The following NPFFR2 variants were observed in gnomAD, a reference collection of about 807,000 sequenced individuals.
NPFFR2 encodes the protein neuropeptide FF receptor 2.
Under a neutral mutation model 13.1 loss-of-function variants are expected in NPFFR2, and 15 were observed. The observed-to-expected ratio is 1.15, with a 90% CI of 0.77 to 1.76. The LOEUF is 1.76. Ranked by LOEUF, NPFFR2 falls within the 40% of genes most tolerant of loss-of-function variation. The pLI is 0.00. For synonymous variants in NPFFR2, 190 were observed against 175.7 expected, an observed-to-expected ratio of 1.08 and a Z score of -0.65; for missense variants, 572 against 503.5, an observed-to-expected ratio of 1.14 and a Z score of -1.30.
At chr4:72,111,437 C>T (rs912741063) in intron 1 of NPFFR2, among the ~76,000 whole-genome samples, 6 of 151,954 alleles carry the variant, frequency 3.9e-5, no homozygotes, top group Non-Finnish European at 7.4e-5. Flanking sequence ...ACAGTGTTTA[C>T]CACATCAGGT....
chr4:72,122,433 A>G (rs952702834), intron 1 of NPFFR2, among the ~76,000 whole-genome samples: 3 of 152,176 alleles, frequency 2.0e-5, no homozygotes, highest in African/African-American at 7.2e-5. Flanking sequence ...CTCCAGCCCA[A>G]ATAAAGAGAC....
intron 1 of NPFFR2, among the ~76,000 whole-genome samples, chr4:72,066,785 T>C (rs1720084487): frequency 6.6e-6 from 1 of 152,178 alleles, no homozygotes; most frequent in African/African-American, 2.4e-5. Context: ...GGGCAAGGGT[T>C]AGGTCCCCAA....
intron 1 of NPFFR2, among the ~76,000 whole-genome samples, chr4:72,046,149 G>T (rs1027464256): frequency 1.3e-5 from 2 of 152,120 alleles, no homozygotes; most frequent in African/African-American, 4.8e-5. Context: ...ATAGATTTGA[G>T]TCCTGGCCCT....
At chr4:72,044,615 G>A (rs1244457275) in intron 1 of NPFFR2, among the ~76,000 whole-genome samples, 3 of 151,610 alleles carry the variant, frequency 2.0e-5, no homozygotes, top group African/African-American at 7.3e-5. Context: ...ATATCTCATT[G>A]TGGTTTTGAT....
At chr4:72,091,095 T>C (rs1720906623) in intron 1 of NPFFR2, among the ~76,000 whole-genome samples, 1 of 152,154 alleles carries the variant, frequency 6.6e-6, no homozygotes. Context: ...GATGATCATA[T>C]AATTTTTGTT....
chr4:72,101,515 TACTC>T (rs1181387084), intron 1 of NPFFR2, among the ~76,000 whole-genome samples: 3 of 151,688 alleles, frequency 2.0e-5, no homozygotes, highest in African/African-American at 4.8e-5. Flanking sequence ...TACTATAACA[TACTC>T]AATGACTAAT....
intron 1 of NPFFR2, among the ~76,000 whole-genome samples, chr4:72,049,929 T>C (rs886096689): frequency 1.3e-5 from 2 of 151,988 alleles, no homozygotes; most frequent in East Asian, 1.9e-4. Context: ...ACACTTGAAT[T>C]TATGTCAACG....
At chr4:72,146,873 G>A in intron 3 of NPFFR2, 105 bp from the exon 4 acceptor site, 1 of 721,368 alleles carries the variant, frequency 1.4e-6, no homozygotes, top group South Asian at 1.9e-5. Context: ...ATATTTTTGA[G>A]GAGACTGTAG....
At chr4:72,084,014 T>A (rs1449588386) in intron 1 of NPFFR2, among the ~76,000 whole-genome samples, 1 of 152,132 alleles carries the variant, frequency 6.6e-6, no homozygotes, top group East Asian at 1.9e-4. Context: ...TCCATCCTTT[T>A]CTCTATATTT....
chr4:72,107,806 T>C (rs900101846), intron 1 of NPFFR2, among the ~76,000 whole-genome samples: 1 of 152,042 alleles, frequency 6.6e-6, no homozygotes, highest in African/African-American at 2.4e-5. Flanking sequence ...TTTCCTCTCC[T>C]GGACTTGTAT....
intron 1 of NPFFR2, among the ~76,000 whole-genome samples, chr4:72,076,939 A>G (rs1720458694): frequency 6.6e-6 from 1 of 152,184 alleles, no homozygotes; most frequent in Non-Finnish European, 1.5e-5. Flanking sequence ...GCCTTTAGTC[A>G]TCAGTATTTT....
chr4:72,128,050 A>G (rs549184586), intron 1 of NPFFR2, among the ~76,000 whole-genome samples: 10 of 152,272 alleles, frequency 6.6e-5, no homozygotes, highest in African/African-American at 2.2e-4. Flanking sequence ...CTGCACTCCC[A>G]TCCAGGTGAC....
intron 1 of NPFFR2, among the ~76,000 whole-genome samples, chr4:72,044,298 C>T (rs1336460249): frequency 6.6e-6 from 1 of 152,104 alleles, no homozygotes; most frequent in African/African-American, 2.4e-5. Context: ...GAAATGTATT[C>T]CCTGGGTTGT....
At chr4:72,050,583 C>T (rs987457289) in intron 1 of NPFFR2, among the ~76,000 whole-genome samples, 5 of 151,892 alleles carry the variant, frequency 3.3e-5, no homozygotes, top group South Asian at 4.2e-4. Flanking sequence ...AGGAAAGCAA[C>T]ATGTTTTACC....
intron 1 of NPFFR2, among the ~76,000 whole-genome samples, chr4:72,080,617 T>G (rs748886081): frequency 3.3e-5 from 5 of 152,198 alleles, no homozygotes; most frequent in Admixed American, 6.5e-5. Flanking sequence ...TATTTGTTCC[T>G]CAATTTCAGC....
Position 72,035,277 on chromosome 4 carries a change from C to T in NPFFR2, c.-8+3077C>T, listed in dbSNP as rs561535565. On this transcript the variant is annotated intron_variant, in intron 1 of 3. Coordinates refer to ENST00000308744, the MANE Select transcript of NPFFR2 (RefSeq NM_004885.3). Reference sequence around the variant, plus strand: ...GATACAGTGTCTAGTACATAGAAGACGCACAAGAATGTTTTTAAGGCACCC... The same window carrying T: ...GATACAGTGTCTAGTACATAGAAGATGCACAAGAATGTTTTTAAGGCACCC... Among the ~76,000 whole-genome samples the T allele has an allele frequency of 4.6e-5, 7 of 152,228 alleles. No homozygotes were observed. In the East Asian group the frequency reaches 5.8e-4, roughly 13 times the overall value.
intron 1 of NPFFR2, among the ~76,000 whole-genome samples, chr4:72,077,697 C>T (rs1410995871): frequency 6.6e-6 from 1 of 152,128 alleles, no homozygotes; most frequent in Admixed American, 6.6e-5. Context: ...TCATCAGAAA[C>T]TATCAAATCT....
At chr4:72,096,997 T>TATA (rs1031826697) in intron 1 of NPFFR2, among the ~76,000 whole-genome samples, 12 of 152,116 alleles carry the variant, frequency 7.9e-5, no homozygotes, top group Admixed American at 3.9e-4. Flanking sequence ...AAATAATGCT[T>TATA]ATAATAATAA....
chr4:72,058,769 T>C (rs1719835708), intron 1 of NPFFR2, among the ~76,000 whole-genome samples: 1 of 152,032 alleles, frequency 6.6e-6, no homozygotes. Context: ...TTTTTCAGTA[T>C]CATGTCTGTC....
Sources: allele counts gnomAD v4.1 joint callset (sites outside exome capture counted in the v4.1 genomes callset), GRCh38; gene constraint gnomAD v4.1.1; transcripts MANE v1.5; gene names NCBI Gene and HGNC (gene_info 2026-07-23, HGNC 2026-07-21).